AK9: variants seen among roughly 807,000 people sequenced by gnomAD.
AK9 encodes adenylate kinase domain containing 1.
AK9 carries 191 observed loss-of-function variants against 239.6 expected under a neutral mutation model. The ratio of observed to expected loss-of-function variants is 0.80; its 90% confidence interval spans 0.71 to 0.90. AK9 has a LOEUF of 0.90. Ranked by LOEUF, AK9 falls within the 40% of genes least tolerant of loss-of-function variation. The probability of loss-of-function intolerance (pLI) is 0.00; values close to 1 mark genes in which losing one functional copy is unlikely to be tolerated. For synonymous variants in AK9, 689 were observed against 721.0 expected, an observed-to-expected ratio of 0.96 and a Z score of 0.71; for missense variants, 1,995 against 2,214.7, an observed-to-expected ratio of 0.90 and a Z score of 1.99.
intron 27 of AK9, among the ~76,000 whole-genome samples, chr6:109,538,176 CGTT>C (rs1354760854): frequency 1.3e-5 from 2 of 152,084 alleles, no homozygotes; most frequent in Non-Finnish European, 2.9e-5. Context: ...CTTTCTGTCT[CGTT>C]GATCTGTCTA....
rs1184360752 is a variant in AK9, at chr6:109,656,781, T to C, written c.734A>G (p.Lys245Arg). The part of the protein sequence containing the change: ...ENVENIVKLY[K>R]ETILQTLEEV... ...TTCTAAAGTTTGGAGAATTGTTTCCTTATAAAGCTTAACAATGTTTTCAAC... is the reference window on the plus strand; with the variant it reads ...TTCTAAAGTTTGGAGAATTGTTTCCCTATAAAGCTTAACAATGTTTTCAAC... The change falls in exon 8 of 41, where the codon AAG (lysine) becomes AGG (arginine). Residue 245 changes from lysine to arginine, a missense_variant. Around this residue, in one of 5 missense-constraint regions of AK9, gnomAD observed 1,290 missense variants for 1,392.7 expected, o/e 0.93. Transcript: ENST00000424296. The C allele has an allele frequency of 2.5e-6, 4 of 1,600,760 alleles. No individual in the cohort carries two copies. The highest frequency in any genetic ancestry group is 3.4e-5 in the Admixed American group (2 of 59,214).
At chr6:109,602,470 T>C (rs1426418962) in intron 17 of AK9, among the ~76,000 whole-genome samples, 1 of 152,190 alleles carries the variant, frequency 6.6e-6, no homozygotes, top group African/African-American at 2.4e-5. Flanking sequence ...CTTCTCTTTG[T>C]GGGTAACCCG....
chr6:109,533,296 T>C lies in AK9; in HGVS notation c.3525A>G (p.Lys1175=), dbSNP rs748589148. The C allele has an allele frequency of 1.4e-5, 22 of 1,611,558 alleles. No homozygotes were observed. Among genetic ancestry groups the C allele is most frequent in the Non-Finnish European group, 1.9e-5 (22 of 1,179,216 alleles). ...IEKWKLKQKK[K]LERKKLIKDM... is the part of the protein sequence containing the mutation. ...CTTTGATCAGTTTCTTCCTTTCTAA[T>C]TTCTTCTTTTGTTTTAGTTTCCACT... is the stretch of plus-strand genomic sequence containing the variant. Residue 1175 remains lysine, a synonymous_variant, in exon 28 of 41, where the codon AAA becomes AAG. Transcript: ENST00000424296.
intron 24 of AK9, among the ~76,000 whole-genome samples, chr6:109,553,814 T>C (rs1193803659): frequency 6.6e-5 from 10 of 152,220 alleles, no homozygotes; most frequent in African/African-American, 1.9e-4. Context: ...CTCTTGCCCA[T>C]TCAATATGAT....
chr6:109,576,420 C>CTTTTTTTTTTTT lies in AK9; in HGVS notation c.2192-2838_2192-2827dup, dbSNP rs3060763. 1.4e-4 allele frequency among the ~76,000 whole-genome samples: 15 copies of CTTTTTTTTTTTT among 103,502 alleles called. 2 individuals carry two copies. Among genetic ancestry groups the CTTTTTTTTTTTT allele is most frequent in the Non-Finnish European group, 2.3e-4 (12 of 51,202 alleles). 67.9% of individuals were successfully genotyped at this position (103,502 alleles called of 152,430 possible). A position where few individuals can be genotyped will look rare whatever the true frequency, so the allele number is the denominator to read the frequency against. ...GGTTAGGTGTATATACATATATATA[C>CTTTTTTTTTTTT]TTTTTTTTTTTTTTTTTGCAGCTGT... On this transcript the variant is annotated intron_variant, in intron 20 of 40. Coordinates refer to ENST00000424296, the MANE Select transcript of AK9 (RefSeq NM_001145128.3).
rs555604526 is a variant in AK9 at position 109,651,340 on chromosome 6, G to A, written c.759+5416C>T. On this transcript the variant is annotated intron_variant, in intron 8 of 40. Coordinates refer to ENST00000424296, the MANE Select transcript of AK9 (RefSeq NM_001145128.3). Reference sequence around the variant, plus strand: ...ACTACTGGGTACATAACGAAATGAAGGCAGAAATAAAGATGTTCTTTGAAA... The same window carrying A: ...ACTACTGGGTACATAACGAAATGAAAGCAGAAATAAAGATGTTCTTTGAAA... Among the ~76,000 whole-genome samples the A allele has an allele frequency of 4.2e-3, 635 of 151,642 alleles. 2 individuals carry two copies. Among genetic ancestry groups the A allele is most frequent in the Non-Finnish European group, 6.2e-3 (422 of 67,932 alleles).
intron 29 of AK9, among the ~76,000 whole-genome samples, chr6:109,523,557 A>G (rs182835237): frequency 6.6e-6 from 1 of 152,334 alleles, no homozygotes; most frequent in East Asian, 1.9e-4. Flanking sequence ...CAACTGGCAT[A>G]GGGTGAGTTT....
At chr6:109,649,634 AAT>A (rs1798614078) in intron 8 of AK9, among the ~76,000 whole-genome samples, 1 of 152,238 alleles carries the variant, frequency 6.6e-6, no homozygotes, top group Non-Finnish European at 1.5e-5. Context: ...AGGAACAATC[AAT>A]ATCGTGAAAA....
chr6:109,559,368 C>T (rs374695884), intron 24 of AK9, among the ~76,000 whole-genome samples: 1 of 152,050 alleles, frequency 6.6e-6, no homozygotes, highest in East Asian at 1.9e-4. Flanking sequence ...GGGGTTTCAC[C>T]GTGTTAGCCA....
chr6:109,677,770 G>A (rs915232630), intron 1 of AK9, among the ~76,000 whole-genome samples: 1 of 152,066 alleles, frequency 6.6e-6, no homozygotes, highest in African/African-American at 2.4e-5. Flanking sequence ...AATATCTGAA[G>A]AGACATTTCA....
In AK9 at chr6:109,497,612, C is replaced by T. The variant is rs778239998; in HGVS notation, c.5217-49G>A. 7 of 1,387,768 alleles carry T rather than the reference C, an allele frequency of 5.0e-6. No individual in the cohort carries two copies. In the South Asian group the frequency reaches 8.7e-5, roughly 17 times the overall value. 86.0% of individuals were successfully genotyped at this position (1,387,768 alleles called of 1,614,324 possible). On this transcript the variant is annotated intron_variant, in intron 37 of 40. Coordinates refer to ENST00000424296, the MANE Select transcript of AK9 (RefSeq NM_001145128.3). ...AAACCTCTATTGTATAATTAATATG[C>T]AGTCCTGTGTAAATAAAAAGTCAAA...
intron 26 of AK9, among the ~76,000 whole-genome samples, chr6:109,544,437 G>C (rs1186311723): frequency 1.3e-5 from 2 of 152,066 alleles, no homozygotes; most frequent in African/African-American, 2.4e-5. Flanking sequence ...TCATGGGGGT[G>C]GTTTCTCATG....
At chr6:109,633,124 T>C (rs1292570525) in intron 11 of AK9, 21 bp from the exon 12 acceptor site, 3 of 1,554,870 alleles carry the variant, frequency 1.9e-6, no homozygotes, top group Non-Finnish European at 2.6e-6. Context: ...GCCATATTAG[T>C]AAACAACTGA....
At chr6:109,638,358 C>A (rs961151585) in intron 10 of AK9, among the ~76,000 whole-genome samples, 1 of 152,206 alleles carries the variant, frequency 6.6e-6, no homozygotes, top group Non-Finnish European at 1.5e-5. Context: ...CAGCACATAT[C>A]CCAGTTATGT....
chr6:109,529,260 A>T (rs1321560615), intron 28 of AK9, among the ~76,000 whole-genome samples, 187 bp from the exon 29 acceptor site: 2 of 152,164 alleles, frequency 1.3e-5, no homozygotes, highest in African/African-American at 4.8e-5. Flanking sequence ...GAACCTCTTG[A>T]TCAGCTATTT....
intron 5 of AK9, among the ~76,000 whole-genome samples, chr6:109,667,779 C>G (rs1234621242): frequency 6.6e-6 from 1 of 152,214 alleles, no homozygotes; most frequent in Non-Finnish European, 1.5e-5. Flanking sequence ...ATATGTGCCA[C>G]ATTTTCTTAA....
intron 26 of AK9, 149 bp from the exon 27 acceptor site, chr6:109,542,320 T>C: frequency 1.4e-6 from 1 of 707,448 alleles, no homozygotes; most frequent in South Asian, 2.0e-5. Flanking sequence ...GGGTGTGTGG[T>C]AGGGATAGAG....
Position 109,497,969 on chromosome 6 carries a change from T to C in AK9, c.5047-4A>G. 1 of 1,612,238 alleles carries C rather than the reference T, an allele frequency of 6.2e-7. No homozygotes were observed. Among genetic ancestry groups the C allele is most frequent in the Non-Finnish European group, 8.5e-7 (1 of 1,178,596 alleles). On this transcript the variant is annotated splice_region_variant and splice_polypyrimidine_tract_variant and intron_variant, in intron 36 of 40. Transcript: ENST00000424296. ...ATTCTGGGTTCTCCAAGAATTTCTA[T>C]TAAAAAAGAATTCCAGTAGCAACAT...
At chr6:109,656,572 A>G (rs1042803779) in intron 8 of AK9, among the ~76,000 whole-genome samples, 184 bp downstream of exon 8, 3 of 152,166 alleles carry the variant, frequency 2.0e-5, no homozygotes, top group Non-Finnish European at 2.9e-5. Flanking sequence ...TTGTAAGAGT[A>G]AAATAATATT....
Sources: gnomAD v4.1 joint callset for allele counts (sites outside exome capture counted in the v4.1 genomes callset) on GRCh38, gnomAD v4.1.1 for gene constraint, gnomAD v4.1.1 regional missense constraint, MANE v1.5 for transcripts, NCBI Gene and HGNC (gene_info 2026-07-23, HGNC 2026-07-21) for gene names.